Variants in GPATCH8 observed in about 807,000 individuals in gnomAD.
GPATCH8 encodes G-patch domain containing 8.
A neutral mutation model predicts 118.3 loss-of-function variants in GPATCH8; 18 were observed. The ratio of observed to expected loss-of-function variants is 0.15; its 90% CI spans 0.11 to 0.23. The LOEUF is 0.23. GPATCH8 is among the 10% of genes least tolerant of loss of function. GPATCH8 has a pLI of 1.00. For synonymous variants in GPATCH8, 659 were observed against 684.7 expected (o/e 0.96, Z 0.59); for missense variants, 1,631 against 1,873.8 (o/e 0.87, Z 2.39).
chr17:44,454,518 G>A lies in GPATCH8; in HGVS notation c.193+9954C>T, dbSNP rs186713209. Among the ~76,000 whole-genome samples, 99 of 152,292 alleles carry A rather than the reference G, an allele frequency of 6.5e-4. 2 individuals carry two copies. In the East Asian group the frequency reaches 0.014, roughly 22 times the overall value. Reference sequence around the variant, plus strand: ...TGATGATCTCCGTACTGAGAAACAAGTAGTCCCTTTCTATACAGCATGCAA... The same window carrying A: ...TGATGATCTCCGTACTGAGAAACAAATAGTCCCTTTCTATACAGCATGCAA... On this transcript the variant is annotated intron_variant, in intron 3 of 7. Transcript: ENST00000591680.
intron 7 of GPATCH8, among the ~76,000 whole-genome samples, chr17:44,404,072 A>C (rs944281729): frequency 4.6e-5 from 7 of 152,310 alleles, no homozygotes; most frequent in Middle Eastern, 6.8e-3. Flanking sequence ...AGAAATACTT[A>C]CACTGTGTTA....
intron 1 of GPATCH8, among the ~76,000 whole-genome samples, chr17:44,479,672 G>C (rs1203336385): frequency 6.6e-6 from 1 of 152,108 alleles, no homozygotes; most frequent in Non-Finnish European, 1.5e-5. Flanking sequence ...TCAATATATG[G>C]AATAAAAAAT....
intron 6 of GPATCH8, among the ~76,000 whole-genome samples, chr17:44,409,908 A>G (rs1347159331): frequency 6.6e-6 from 1 of 152,190 alleles, no homozygotes; most frequent in African/African-American, 2.4e-5. Context: ...TTCAGTTCAA[A>G]CATCAGATCC....
intron 3 of GPATCH8, among the ~76,000 whole-genome samples, chr17:44,464,231 C>T (rs1224627221): frequency 6.6e-6 from 1 of 152,196 alleles, no homozygotes; most frequent in African/African-American, 2.4e-5. Flanking sequence ...GAGCCACACA[C>T]AGTATGTTTG....
At chr17:44,448,511 G>C (rs1445646401) in intron 3 of GPATCH8, among the ~76,000 whole-genome samples, 2 of 113,394 alleles carry the variant, frequency 1.8e-5, no homozygotes, top group Admixed American at 9.1e-5. Context: ...AAAGGGGGGG[G>C]GGGGAAGAAG....
intron 1 of GPATCH8, among the ~76,000 whole-genome samples, chr17:44,493,054 G>GTTTTTT (rs398039127): frequency 0.018 from 2,217 of 124,336 alleles, 101 homozygotes; most frequent in African/African-American, 0.065. Context: ...AAGCCATTAG[G>GTTTTTT]TTTTTTTTTT....
chr17:44,428,619 A>G (rs891789808), intron 5 of GPATCH8, among the ~76,000 whole-genome samples: 9 of 151,896 alleles, frequency 5.9e-5, no homozygotes, highest in Non-Finnish European at 1.3e-4. Flanking sequence ...CCTGGGCAAC[A>G]TGGTGAAACC....
intron 1 of GPATCH8, among the ~76,000 whole-genome samples, chr17:44,501,082 A>C (rs1407339365): frequency 2.0e-5 from 3 of 152,196 alleles, no homozygotes; most frequent in Non-Finnish European, 2.9e-5. Context: ...TTCCATTCCC[A>C]ATACCCTATT....
At chr17:44,428,183 T>C (rs1168762224) in intron 5 of GPATCH8, among the ~76,000 whole-genome samples, 1 of 151,572 alleles carries the variant, frequency 6.6e-6, no homozygotes, top group Non-Finnish European at 1.5e-5. Flanking sequence ...CTTGGAAGGC[T>C]GGGGAAGTCC....
chr17:44,431,378 GA>G (rs776468380), intron 5 of GPATCH8, among the ~76,000 whole-genome samples: 1,277 of 47,798 alleles, frequency 0.027, 6 homozygotes, highest in African/African-American at 0.05. Context: ...TCTCAAAAAG[GA>G]AAAAAAAAAA....
At position 44,485,287 on chromosome 17, in the gene GPATCH8, T is replaced by A. The variant is rs560696667; in HGVS notation, c.46-10384A>T. On this transcript the variant is annotated intron_variant, in intron 1 of 7. Transcript: ENST00000591680. The stretch of plus-strand genomic sequence containing the variant: ...CCCGTCTAATGTTTTCATTTAAAAA[T>A]TTTTTTTTGTAGACTTGGAGTCTTG... 1.8e-4 allele frequency among the ~76,000 whole-genome samples: 27 copies of A among 151,898 alleles called. No individual in the cohort carries two copies. In the East Asian group the frequency reaches 2.9e-3, roughly 16 times the overall value.
At chr17:44,422,186 T>C (rs2143876758) in intron 6 of GPATCH8, among the ~76,000 whole-genome samples, 1 of 152,302 alleles carries the variant, frequency 6.6e-6, no homozygotes, top group African/African-American at 2.4e-5. Context: ...GTTTTTTATT[T>C]GTTTTGTTTT....
In GPATCH8 at chr17:44,453,922, G is replaced by A. The variant is rs561452868; in HGVS notation, c.193+10550C>T. Among the ~76,000 whole-genome samples, 129 of 116,508 alleles carry A rather than the reference G, an allele frequency of 1.1e-3. 1 individual carries two copies. Among genetic ancestry groups the A allele is most frequent in the African/African-American group, 3.2e-3 (121 of 37,930 alleles). The allele number at this position is 116,508 out of a possible 152,430, so 76.4% of individuals were successfully genotyped here. The stretch of plus-strand genomic sequence containing the variant: ...GTTGCCCCCTCTTTCATATACTGAA[G>A]TTTAACCTCAAAAAAAAAAAATTGA... On this transcript the variant is annotated intron_variant, in intron 3 of 7. Coordinates refer to ENST00000591680, the MANE Select transcript of GPATCH8 (RefSeq NM_001002909.4).
At chr17:44,492,591 G>A (rs564946087) in intron 1 of GPATCH8, among the ~76,000 whole-genome samples, 19 of 150,320 alleles carry the variant, frequency 1.3e-4, no homozygotes, top group African/African-American at 3.2e-4. Flanking sequence ...AAAAACTAAG[G>A]ACAAAAAAAA....
chr17:44,495,944 T>C (rs1442777960), intron 1 of GPATCH8, among the ~76,000 whole-genome samples: 1 of 152,206 alleles, frequency 6.6e-6, no homozygotes, highest in Non-Finnish European at 1.5e-5. Context: ...ATCGGCTCAC[T>C]GCAACCTCCA....
chr17:44,410,809 C>G (rs2049401138), intron 6 of GPATCH8, among the ~76,000 whole-genome samples: 1 of 152,166 alleles, frequency 6.6e-6, no homozygotes, highest in African/African-American at 2.4e-5. Flanking sequence ...ATTTCCATTA[C>G]ACCTTCCAGA....
chr17:44,401,212 T>C lies in GPATCH8; in HGVS notation c.865A>G (p.Asn289Asp). Reference protein sequence around the residue: ...ASQGISFGIKNNLGTPLQKLG... With the variant: ...ASQGISFGIKDNLGTPLQKLG... Reference sequence around the variant, plus strand: ...TTTTGCAATGGGGTCCCCAGATTATTCTTAATGCCAAAGCTGATGCCTTGG... The same window carrying C: ...TTTTGCAATGGGGTCCCCAGATTATCCTTAATGCCAAAGCTGATGCCTTGG... Residue 289 changes from asparagine (N) to aspartate (D), a missense_variant, in exon 8 of 8, where the codon AAT becomes GAT. This residue lies in a region of GPATCH8 where 405 missense variants were observed against 462.7 expected (regional missense o/e 0.88). Coordinates refer to ENST00000591680, the MANE Select transcript of GPATCH8 (RefSeq NM_001002909.4). The C allele has an allele frequency of 6.2e-7, 1 of 1,614,144 alleles. No homozygotes were observed. The highest frequency in any genetic ancestry group is 8.5e-7 in the Non-Finnish European group (1 of 1,179,990).
chr17:44,450,014 A>C (rs2051056083), intron 3 of GPATCH8, among the ~76,000 whole-genome samples: 1 of 152,204 alleles, frequency 6.6e-6, no homozygotes, highest in Non-Finnish European at 1.5e-5. Context: ...TGGAGAGAGA[A>C]ATATATAGGT....
At chr17:44,424,904 G>A (rs1033923958) in intron 5 of GPATCH8, among the ~76,000 whole-genome samples, 1 of 152,132 alleles carries the variant, frequency 6.6e-6, no homozygotes, top group Admixed American at 6.5e-5. Flanking sequence ...AATATTCTAT[G>A]GTCATTCTAC....
Sources: allele counts gnomAD v4.1 joint callset (sites outside exome capture counted in the v4.1 genomes callset), GRCh38; gene constraint gnomAD v4.1.1; regional missense constraint gnomAD v4.1.1; transcripts MANE v1.5; gene names NCBI Gene and HGNC (gene_info 2026-07-23, HGNC 2026-07-21).